Variants in FAM120B observed in about 807,000 individuals in gnomAD.
FAM120B encodes constitutive coactivator of peroxisome proliferator-activated receptor gamma.
FAM120B carries 83 observed loss-of-function variants against 96.3 expected under a neutral mutation model. The observed-to-expected ratio is 0.86, with a 90% CI of 0.72 to 1.03. The LOEUF (loss-of-function observed/expected upper bound fraction) is 1.03. Ranked by LOEUF, FAM120B falls within the 50% of genes least tolerant of loss-of-function variation. The probability of loss-of-function intolerance (pLI) is 0.00; values close to 1 mark genes in which losing one functional copy is unlikely to be tolerated. For synonymous variants in FAM120B, 407 were observed against 402.7 expected (o/e 1.01, Z -0.13); for missense variants, 1,027 against 1,121.2 (o/e 0.92, Z 1.20).
intron 6 of FAM120B, among the ~76,000 whole-genome samples, chr6:170,371,668 A>G (rs1361919161): frequency 6.6e-6 from 1 of 152,246 alleles, no homozygotes; most frequent in Non-Finnish European, 1.5e-5. Context: ...AGCAAAAAAC[A>G]TCTCACAGTC....
chr6:170,375,550 A>T (rs1789458432), intron 6 of FAM120B, among the ~76,000 whole-genome samples: 1 of 152,234 alleles, frequency 6.6e-6, no homozygotes, highest in Non-Finnish European at 1.5e-5. Context: ...ACTTCCACTC[A>T]TTCATTAATT....
chr6:170,327,782 C>T lies in FAM120B; in HGVS notation c.1916-2667C>T, dbSNP rs376343927. Among the ~76,000 whole-genome samples, 27 of 122,476 alleles carry T rather than the reference C, an allele frequency of 2.2e-4. 1 individual carries two copies. In the South Asian group the frequency reaches 3.5e-3, roughly 16 times the overall value. The allele number at this position is 122,476 out of a possible 152,430, so 80.3% of individuals were successfully genotyped here. A position where few individuals can be genotyped will look rare whatever the true frequency, so the allele number is the denominator to read the frequency against. ...AAGAGTCAGTGGGAAGGCCAGGACACGACCGTATACTGCTGTAGGCTTTAT... is the reference window on the plus strand; with the variant it reads ...AAGAGTCAGTGGGAAGGCCAGGACATGACCGTATACTGCTGTAGGCTTTAT... On this transcript the variant is annotated intron_variant, in intron 3 of 10. Coordinates refer to ENST00000476287, the MANE Select transcript of FAM120B (RefSeq NM_032448.3).
chr6:170,303,693 G>T (rs138901578), upstream of FAM120B, among the ~76,000 whole-genome samples: 1 of 152,100 alleles, frequency 6.6e-6, no homozygotes, highest in East Asian at 1.9e-4. Flanking sequence ...GTAAACACAC[G>T]TAAGGTCACC....
intron 4 of FAM120B, among the ~76,000 whole-genome samples, chr6:170,332,606 G>A (rs913928036): frequency 1.3e-5 from 2 of 152,116 alleles, no homozygotes; most frequent in Admixed American, 6.5e-5. Flanking sequence ...GCTGAGGCAG[G>A]AGAATTGCTG....
At chr6:170,396,199 A>G (rs114103222) in intron 9 of FAM120B, among the ~76,000 whole-genome samples, 2,346 of 152,370 alleles carry the variant, frequency 0.015, 65 homozygotes, top group African/African-American at 0.053. Flanking sequence ...CCTTTGATTT[A>G]TGATATCTGT....
At chr6:170,316,445 A>G (rs1487286373) in intron 1 of FAM120B, among the ~76,000 whole-genome samples, 5 of 152,256 alleles carry the variant, frequency 3.3e-5, no homozygotes, top group Non-Finnish European at 5.9e-5. Flanking sequence ...TAAAAATGTC[A>G]GCACGGAGTT....
chr6:170,348,978 C>T (rs1390807137), intron 5 of FAM120B, among the ~76,000 whole-genome samples: 1 of 152,116 alleles, frequency 6.6e-6, no homozygotes, highest in African/African-American at 2.4e-5. Context: ...TGGACTGTTT[C>T]TTTTGCATTA....
intron 9 of FAM120B, among the ~76,000 whole-genome samples, chr6:170,403,692 A>T (rs1302950697): frequency 1.3e-5 from 2 of 152,060 alleles, no homozygotes; most frequent in Admixed American, 1.3e-4. Context: ...CTGGAAAGAG[A>T]TGACGTGTTA....
At chr6:170,347,085 AATATACC>A (rs1363068025) in intron 4 of FAM120B, among the ~76,000 whole-genome samples, 1 of 152,228 alleles carries the variant, frequency 6.6e-6, no homozygotes, top group Admixed American at 6.5e-5. Flanking sequence ...GATGGCGGGA[AATATACC>A]ACTGAGAGTA....
intron 5 of FAM120B, among the ~76,000 whole-genome samples, chr6:170,356,861 C>T (rs975502714): frequency 1.3e-5 from 2 of 152,130 alleles, no homozygotes; most frequent in Non-Finnish European, 2.9e-5. Flanking sequence ...GGTAAGTTTA[C>T]ATCATAGAAA....
intron 2 of FAM120B, 135 bp downstream of exon 2, chr6:170,319,259 G>A: frequency 1.3e-6 from 1 of 791,296 alleles, no homozygotes; most frequent in Non-Finnish European, 2.0e-6. Context: ...GTCTCGTTAG[G>A]AAGTGTGACG....
chr6:170,329,718 C>G lies in FAM120B; in HGVS notation c.1916-731C>G, dbSNP rs1008232420. Among the ~76,000 whole-genome samples, 7 of 152,064 alleles carry G rather than the reference C, an allele frequency of 4.6e-5. No individual in the cohort carries two copies. In the South Asian group the frequency reaches 1.0e-3, roughly 23 times the overall value. ...AGGTGGGGCTTCCTGGACTGATACT[C>G]TCTTTCTTCATCTTTTGATTCCTGT... On this transcript the variant is annotated intron_variant, in intron 3 of 10. Transcript: ENST00000476287.
intron 4 of FAM120B, among the ~76,000 whole-genome samples, chr6:170,342,093 C>G (rs1786877909): frequency 6.6e-6 from 1 of 152,202 alleles, no homozygotes; most frequent in African/African-American, 2.4e-5. Flanking sequence ...GGGCAGGAAG[C>G]ATCCAGCATG....
At chr6:170,313,501 G>A (rs1249843941) in intron 1 of FAM120B, among the ~76,000 whole-genome samples, 1 of 152,212 alleles carries the variant, frequency 6.6e-6, no homozygotes, top group East Asian at 1.9e-4. Flanking sequence ...TGTTGTTTCA[G>A]ACTCACCCAA....
intron 8 of FAM120B, 111 bp downstream of exon 8, chr6:170,391,232 A>G: frequency 1.3e-6 from 1 of 789,986 alleles, no homozygotes; most frequent in Non-Finnish European, 2.2e-6. Context: ...TTGGATGAAC[A>G]GAATAGAATT....
At chr6:170,384,336 T>C (rs907060563) in intron 6 of FAM120B, among the ~76,000 whole-genome samples, 2 of 152,200 alleles carry the variant, frequency 1.3e-5, no homozygotes, top group African/African-American at 4.8e-5. Context: ...CCCTCTATCC[T>C]ATCTTTGTCA....
At chr6:170,291,537 G>A (rs1783873001), upstream of FAM120B, among the ~76,000 whole-genome samples, 1 of 152,214 alleles carries the variant, frequency 6.6e-6, no homozygotes, top group South Asian at 2.1e-4. Context: ...GCGGAGGCGG[G>A]GGTGGCGATT....
chr6:170,380,051 A>G (rs73038655), intron 6 of FAM120B, among the ~76,000 whole-genome samples: 300 of 152,182 alleles, frequency 2.0e-3, no homozygotes, highest in Non-Finnish European at 3.4e-3. Flanking sequence ...GTCTGTTTAT[A>G]TGTATTTGGC....
At chr6:170,364,634 C>G (rs1180156278) in intron 6 of FAM120B, among the ~76,000 whole-genome samples, 1 of 152,164 alleles carries the variant, frequency 6.6e-6, no homozygotes, top group Non-Finnish European at 1.5e-5. Context: ...TAGACAAAGC[C>G]CCATCTTTGC....
Sources: gnomAD v4.1 joint callset for allele counts (sites outside exome capture counted in the v4.1 genomes callset) on GRCh38, gnomAD v4.1.1 for gene constraint, MANE v1.5 for transcripts, NCBI Gene and HGNC (gene_info 2026-07-23, HGNC 2026-07-21) for gene names.